Variants in PDE7B observed in about 807,000 individuals in gnomAD.
PDE7B encodes the protein 3',5'-cyclic-AMP phosphodiesterase 7B.
A neutral mutation model predicts 56.2 loss-of-function variants in PDE7B; 29 were observed. That is an observed-to-expected ratio of 0.52 (90% CI 0.38 to 0.70). The LOEUF (loss-of-function observed/expected upper bound fraction) is 0.70, where lower values mean the gene tolerates loss of function less well. Among genes scored for constraint, PDE7B ranks in the 30% least tolerant of loss-of-function variants. The pLI is 0.00. For missense variants in PDE7B, 490 were observed against 565.0 expected (o/e 0.87, Z 1.35); for synonymous variants, 197 against 196.9 (o/e 1.00, Z 0.00).
chr6:135,872,614 C>T (rs982589609), intron 1 of PDE7B, among the ~76,000 whole-genome samples: 3 of 152,034 alleles, frequency 2.0e-5, no homozygotes, highest in African/African-American at 7.2e-5. Flanking sequence ...GAAGAAAACC[C>T]AACATTGTGG....
At chr6:135,999,308 G>T (rs968148646) in intron 2 of PDE7B, among the ~76,000 whole-genome samples, 3 of 152,050 alleles carry the variant, frequency 2.0e-5, no homozygotes, top group Admixed American at 1.3e-4. Flanking sequence ...GTGCTGGTTT[G>T]TAACACAGAT....
chr6:136,129,573 A>G (rs961482297), intron 3 of PDE7B, among the ~76,000 whole-genome samples: 2 of 152,234 alleles, frequency 1.3e-5, no homozygotes, highest in Admixed American at 1.3e-4. Flanking sequence ...CGCTCTTGAC[A>G]GGAAACTCTC....
At chr6:136,040,253 T>C (rs1042556351) in intron 2 of PDE7B, among the ~76,000 whole-genome samples, 1 of 152,214 alleles carries the variant, frequency 6.6e-6, no homozygotes, top group Non-Finnish European at 1.5e-5. Context: ...AGACAGGCTT[T>C]ATAACACCTT....
At chr6:136,151,114 T>C (rs751593464) in intron 5 of PDE7B, 46 bp from the exon 6 acceptor site, 8 of 928,984 alleles carry the variant, frequency 8.6e-6, no homozygotes, top group Non-Finnish European at 1.4e-5. Context: ...CTTGATATTT[T>C]AGTGGTGATC....
chr6:136,157,555 G>A (rs1233918555), intron 8 of PDE7B, among the ~76,000 whole-genome samples: 1 of 152,176 alleles, frequency 6.6e-6, no homozygotes, highest in East Asian at 1.9e-4. Flanking sequence ...TCCAGCCTGG[G>A]CAACAGAGGG....
At chr6:136,112,221 A>G (rs1777761709) in intron 3 of PDE7B, among the ~76,000 whole-genome samples, 1 of 152,220 alleles carries the variant, frequency 6.6e-6, no homozygotes, top group Admixed American at 6.5e-5. Context: ...AGAGGACATC[A>G]GAATTAAAAT....
chr6:135,994,385 G>GGAGTTA (rs1775528601), intron 2 of PDE7B, among the ~76,000 whole-genome samples: 9 of 152,060 alleles, frequency 5.9e-5, no homozygotes, highest in African/African-American at 1.9e-4. Flanking sequence ...CCTCAACAGG[G>GGAGTTA]CTGAGTTACA....
chr6:135,922,699 A>G (rs1457116229), intron 1 of PDE7B, among the ~76,000 whole-genome samples: 3 of 152,204 alleles, frequency 2.0e-5, no homozygotes, highest in Non-Finnish European at 4.4e-5. Flanking sequence ...TGAATGCAAA[A>G]TCAATCACAC....
At chr6:135,863,769 T>C (rs1775198353) in intron 1 of PDE7B, among the ~76,000 whole-genome samples, 4 of 151,554 alleles carry the variant, frequency 2.6e-5, no homozygotes, top group African/African-American at 7.3e-5. Context: ...CATTGCTTAG[T>C]GGTTGCATGC....
intron 8 of PDE7B, 112 bp from the exon 9 acceptor site, chr6:136,173,685 C>A: frequency 1.4e-6 from 1 of 721,366 alleles, no homozygotes; most frequent in Non-Finnish European, 2.4e-6. Context: ...GCCTCTGGGT[C>A]ATCAAGTACA....
chr6:136,160,350 G>A (rs930844358), intron 8 of PDE7B, among the ~76,000 whole-genome samples: 1 of 151,998 alleles, frequency 6.6e-6, no homozygotes, highest in African/African-American at 2.4e-5. Flanking sequence ...CATTTCTGAT[G>A]CTTTTCTTCT....
At chr6:135,988,863 GT>G (rs1289175976) in intron 2 of PDE7B, among the ~76,000 whole-genome samples, 1 of 152,178 alleles carries the variant, frequency 6.6e-6, no homozygotes, top group Non-Finnish European at 1.5e-5. Context: ...ACTGATGGAT[GT>G]TTATTACCCA....
chr6:136,165,809 G>C (rs1396185263), intron 8 of PDE7B: 1 of 152,134 alleles, frequency 6.6e-6, no homozygotes, highest in East Asian at 1.9e-4. Flanking sequence ...TTCATCAAAT[G>C]ATCCCACCTA....
At chr6:136,118,637 GC>G (rs1173266846) in intron 3 of PDE7B, among the ~76,000 whole-genome samples, 1 of 152,100 alleles carries the variant, frequency 6.6e-6, no homozygotes, top group African/African-American at 2.4e-5. Flanking sequence ...CAGAGCACAA[GC>G]TTTTAACCAT....
intron 2 of PDE7B, among the ~76,000 whole-genome samples, chr6:136,068,096 GAGTT>G (rs1206811392): frequency 6.6e-6 from 1 of 152,222 alleles, no homozygotes; most frequent in African/African-American, 2.4e-5. Flanking sequence ...TATTTGAAGA[GAGTT>G]AGTCCGAGCC....
intron 2 of PDE7B, among the ~76,000 whole-genome samples, chr6:136,021,264 C>T (rs1171490684): frequency 6.6e-6 from 1 of 152,202 alleles, no homozygotes. Flanking sequence ...AAGTATATTT[C>T]TTACTATCCC....
intron 3 of PDE7B, among the ~76,000 whole-genome samples, chr6:136,125,171 C>T (rs1778000869): frequency 6.6e-6 from 1 of 152,148 alleles, no homozygotes; most frequent in Admixed American, 6.5e-5. Context: ...ACAGAAACAA[C>T]CTTTTATCTT....
chr6:135,852,482 T>C (rs1305761864), intron 1 of PDE7B, among the ~76,000 whole-genome samples: 1 of 152,112 alleles, frequency 6.6e-6, no homozygotes, highest in Admixed American at 6.5e-5. Flanking sequence ...TGTTGGTTGA[T>C]AGCAGACTTC....
At chr6:135,902,301 T>C (rs1583753718) in intron 1 of PDE7B, among the ~76,000 whole-genome samples, 1 of 151,514 alleles carries the variant, frequency 6.6e-6, no homozygotes, top group African/African-American at 2.4e-5. Flanking sequence ...CACACAGATC[T>C]CTAGGCAAGT....
Sources: gnomAD v4.1 joint callset for allele counts (sites outside exome capture counted in the v4.1 genomes callset) on GRCh38, gnomAD v4.1.1 for gene constraint, MANE v1.5 for transcripts, NCBI Gene and HGNC (gene_info 2026-07-23, HGNC 2026-07-21) for gene names.